Variants in POLDIP2 observed in about 807,000 individuals in gnomAD.
POLDIP2 encodes the protein polymerase delta-interacting protein 2.
POLDIP2 carries 32 observed loss-of-function variants against 52.9 expected under a neutral mutation model. That is an observed-to-expected ratio of 0.61 (90% CI 0.46 to 0.81). POLDIP2 has a LOEUF of 0.81. POLDIP2 is among the 40% of genes least tolerant of loss of function. POLDIP2 has a pLI of 0.00. For synonymous variants in POLDIP2, 183 were observed against 183.0 expected (o/e 1.00, Z 0.00); for missense variants, 371 against 477.3 (o/e 0.78, Z 2.07).
chr17:28,348,061 G>T lies in POLDIP2; in HGVS notation c.*56C>A. ...AGAGAAGAGTTCTGCAGCAATTGTG[G>T]GATGAGAGTTGTTCTTCCCGGTGAC... is the stretch of plus-strand genomic sequence containing the variant. On this transcript the variant is annotated 3_prime_UTR_variant, in exon 11 of 11. Coordinates refer to ENST00000540200, the MANE Select transcript of POLDIP2 (RefSeq NM_015584.5). 1 of 966,358 alleles carries T rather than the reference G, an allele frequency of 1.0e-6. No individual in the cohort carries two copies. 59.9% of individuals were successfully genotyped at this position (966,358 alleles called of 1,614,324 possible).
chr17:28,351,709 A>C lies in POLDIP2; in HGVS notation c.714T>G (p.Thr238=), dbSNP rs1555579997. Reference sequence around the variant, plus strand: ...GGATGACAGTGACACGTATGTTCTCAGTTGTTTCCCGATGAACATCGGAGA... The same window carrying C: ...GGATGACAGTGACACGTATGTTCTCCGTTGTTTCCCGATGAACATCGGAGA... ...LELSDVHRET[T]ENIRVTVIPF... is the part of the protein sequence containing the mutation. Residue 238 remains threonine (T), a synonymous_variant, in exon 7 of 11, where the codon ACT becomes ACG. Transcript: ENST00000540200. 5 of 1,613,860 alleles carry C rather than the reference A, an allele frequency of 3.1e-6. No homozygotes were observed. Among genetic ancestry groups the C allele is most frequent in the East Asian group, 2.2e-5 (1 of 44,884 alleles).
intron 9 of POLDIP2, 100 bp from the exon 10 acceptor site, chr17:28,349,262 T>C: frequency 1.3e-6 from 1 of 771,976 alleles, no homozygotes; most frequent in Non-Finnish European, 2.2e-6. Flanking sequence ...AGACTGGATG[T>C]CCCCTACCCA....
chr17:28,350,415 A>G (rs1555579723), intron 9 of POLDIP2, 23 bp downstream of exon 9: 5 of 1,594,276 alleles, frequency 3.1e-6, no homozygotes, highest in Non-Finnish European at 4.3e-6. Context: ...CAGGACCAGA[A>G]TTACTAGACC....
chr17:28,353,520 C>CCAAAAAAAAAAAAAAAAAAA (rs1907896470), intron 4 of POLDIP2, among the ~76,000 whole-genome samples, 175 bp downstream of exon 4: 2 of 54,814 alleles, frequency 3.6e-5, no homozygotes, highest in Non-Finnish European at 6.0e-5. Flanking sequence ...GACTCCATAT[C>CCAAAAAAAAAAAAAAAAAAA]AAAAAAAAAA....
Position 28,349,092 on chromosome 17 carries a change from C to G in POLDIP2, c.983G>C (p.Gly328Ala). The change falls in exon 10 of 11, where the codon GGG becomes GCG. Residue 328 changes from glycine (G) to alanine (A), a missense_variant. Physicochemically the swap from Gly to Ala is moderately conservative, Grantham distance 60 (BLOSUM62 0). Transcript: ENST00000540200. ...GTGCACACTCACTCACCACATGTGC[C>G]CACTGGAAGCCTGCAGCGAGACGTG... ...SSHVSLQASS[G>A]HMWGTFRFER... 6.2e-7 allele frequency: 1 copy of G among 1,611,480 alleles called. No homozygotes were observed. The highest frequency in any genetic ancestry group is 8.5e-7 in the Non-Finnish European group (1 of 1,177,950).
chr17:28,355,216 A>G (rs891514528), intron 2 of POLDIP2, among the ~76,000 whole-genome samples: 3 of 152,242 alleles, frequency 2.0e-5, no homozygotes, highest in Non-Finnish European at 4.4e-5. Context: ...AAACCTCACT[A>G]TAGTCCACAC....
intron 1 of POLDIP2, among the ~76,000 whole-genome samples, chr17:28,356,931 G>C (rs893855238): frequency 1.3e-5 from 2 of 152,228 alleles, no homozygotes; most frequent in South Asian, 2.1e-4. Context: ...TTCTGAGGCA[G>C]ACCTTCACCA....
intron 10 of POLDIP2, 94 bp downstream of exon 10, chr17:28,348,989 A>T: frequency 1.3e-6 from 1 of 796,484 alleles, no homozygotes; most frequent in Non-Finnish European, 2.1e-6. Context: ...AACTTGGCCC[A>T]GAGTTAATGG....
intron 4 of POLDIP2, 105 bp from the exon 5 acceptor site, chr17:28,353,421 C>T: frequency 1.5e-6 from 1 of 682,324 alleles, no homozygotes; most frequent in Middle Eastern, 2.8e-4. Context: ...ACTCGGGTGG[C>T]TGAGGCAGGA....
chr17:28,349,342 A>C (rs542335969), intron 9 of POLDIP2, among the ~76,000 whole-genome samples, 180 bp from the exon 10 acceptor site: 77 of 248 alleles, frequency 0.31, no homozygotes, highest in African/African-American at 0.45. Context: ...ATAGATGGCC[A>C]TTTGGCTGGG....
chr17:28,355,816 A>G lies in POLDIP2; in HGVS notation c.222T>C (p.Asn74=). The change falls in exon 2 of 11, where the codon AAT becomes AAC. Residue 74 remains asparagine (N), a synonymous_variant. Coordinates refer to ENST00000540200, the MANE Select transcript of POLDIP2 (RefSeq NM_015584.5). The part of the protein sequence containing the change: ...TVGVFEVPKQ[N]GKYETGQLFL... ...TCACCTGCCCGGTCTCATATTTTCC[A>G]TTCTGTTTTGGCACCTCAAACACAC... 1 of 1,612,860 alleles carries G rather than the reference A, an allele frequency of 6.2e-7. No homozygotes were observed. The highest frequency in any genetic ancestry group is 1.3e-5 in the African/African-American group (1 of 74,940).
chr17:28,353,258 G>T lies in POLDIP2; in HGVS notation c.497C>A (p.Ala166Asp), dbSNP rs1555580353. Residue 166 changes from alanine (A) to aspartate (D), a missense_variant, in exon 5 of 11, where the codon GCC (alanine) becomes GAC (aspartate). Transcript: ENST00000540200. ...TFLANHDDSR[A>D]LYAIPGLDYV... Reference sequence around the variant, plus strand: ...CTACTCACCTGGGATGGCATAGAGGGCCCGACTGTCATCATGGTTAGCCAA... The same window carrying T: ...CTACTCACCTGGGATGGCATAGAGGTCCCGACTGTCATCATGGTTAGCCAA... The T allele has an allele frequency of 1.3e-6, 2 of 1,579,080 alleles. No homozygotes were observed. Among genetic ancestry groups the T allele is most frequent in the East Asian group, 2.2e-5 (1 of 44,694 alleles).
chr17:28,353,844 G>A, intron 3 of POLDIP2, 53 bp from the exon 4 acceptor site: 2 of 1,207,600 alleles, frequency 1.7e-6, no homozygotes, highest in East Asian at 4.7e-5. Context: ...TGGAAGCTGT[G>A]GCTGACTCAG....
intron 2 of POLDIP2, among the ~76,000 whole-genome samples, chr17:28,354,911 T>G (rs1452680569): frequency 1.3e-5 from 2 of 152,246 alleles, no homozygotes; most frequent in African/African-American, 4.8e-5. Context: ...GAATCATGTC[T>G]ACTTTGCTTT....
chr17:28,355,789 A>G lies in POLDIP2; in HGVS notation c.243+6T>C, dbSNP rs782115496. On this transcript the variant is annotated splice_donor_region_variant and intron_variant, in intron 2 of 10. Coordinates refer to ENST00000540200, the MANE Select transcript of POLDIP2 (RefSeq NM_015584.5). ...AAAATGAAAGATGACCCAGCCCAATACTCACCTGCCCGGTCTCATATTTTC... is the reference window on the plus strand; with the variant it reads ...AAAATGAAAGATGACCCAGCCCAATGCTCACCTGCCCGGTCTCATATTTTC... 1 of 1,607,562 alleles carries G rather than the reference A, an allele frequency of 6.2e-7. No homozygotes were observed. Among genetic ancestry groups the G allele is most frequent in the Non-Finnish European group, 8.5e-7 (1 of 1,175,990 alleles).
At position 28,347,951 on chromosome 17, in the gene POLDIP2, T is replaced by C; in HGVS notation, c.*166A>G. 1.7e-6 allele frequency: 1 copy of C among 601,314 alleles called. No individual in the cohort carries two copies. The highest frequency in any genetic ancestry group is 3.0e-6 in the Non-Finnish European group (1 of 337,742). 37.2% of individuals were successfully genotyped at this position (601,314 alleles called of 1,614,324 possible). On this transcript the variant is annotated 3_prime_UTR_variant, in exon 11 of 11. Transcript: ENST00000540200. ...CAGCCTTGGAGGTGTCCCACATGGG[T>C]CTTCTGAAGAAAAGTTATACCACCC...
Position 28,354,534 on chromosome 17 carries a change from G to A in POLDIP2, c.295C>T (p.Gln99Ter). 1 of 1,562,922 alleles carries A rather than the reference G, an allele frequency of 6.4e-7. No individual in the cohort carries two copies. Among genetic ancestry groups the A allele is most frequent in the African/African-American group, 1.4e-5 (1 of 73,690 alleles). The change falls in exon 3 of 11, where the codon CAG becomes TAG. Residue 99 changes from glutamine to a stop codon, truncating the protein, a stop_gained. Coordinates refer to ENST00000540200, the MANE Select transcript of POLDIP2 (RefSeq NM_015584.5). LOFTEE classifies it high-confidence loss of function. The stretch of plus-strand genomic sequence containing the variant: ...ACATCCCGGTCATACAGTCTGGCCT[G>A]CCAGGGAAACAGGACGACACCTCGG... Reference protein sequence around the residue: ...GYRGVVLFPWQARLYDRDVAS... With the variant: ...GYRGVVLFPW
intron 1 of POLDIP2, 81 bp from the exon 2 acceptor site, chr17:28,355,957 ACT>A: frequency 9.7e-7 from 1 of 1,035,830 alleles, no homozygotes; most frequent in Non-Finnish European, 1.5e-6. Flanking sequence ...CTCCTAGGAT[ACT>A]GAGGGGCCAG....
rs1372852637 is a variant in POLDIP2 at position 28,353,777 on chromosome 17, G to C, written c.356C>G (p.Ala119Gly). The C allele has an allele frequency of 6.2e-6, 10 of 1,612,298 alleles. No individual in the cohort carries two copies. The Admixed American group carries it at 1.7e-4, about 27-fold the overall frequency. ...SAAPEKAENP[A>G]GHGSKEVKGK... ...TTTCACCTCCTTGGAGCCATGGCCAGCAGGGTTCTCTGCTCTATGGGGTGG... is the reference window on the plus strand; with the variant it reads ...TTTCACCTCCTTGGAGCCATGGCCACCAGGGTTCTCTGCTCTATGGGGTGG... The change falls in exon 4 of 11, where the codon GCT (alanine) becomes GGT (glycine). Residue 119 changes from alanine to glycine, a missense_variant. By Grantham distance (60) the Ala-to-Gly change is moderately conservative. Coordinates refer to ENST00000540200, the MANE Select transcript of POLDIP2 (RefSeq NM_015584.5).
Sources: gnomAD v4.1 joint callset for allele counts (sites outside exome capture counted in the v4.1 genomes callset) on GRCh38, gnomAD v4.1.1 for gene constraint, MANE v1.5 for transcripts, NCBI Gene and HGNC (gene_info 2026-07-23, HGNC 2026-07-21) for gene names.